Variants in FRMD6 observed in about 807,000 individuals in gnomAD.
FRMD6 encodes the protein FERM domain-containing protein 6.
Under a neutral mutation model 73.2 loss-of-function variants are expected in FRMD6, and 37 were observed. The ratio of observed to expected loss-of-function variants is 0.51; its 90% CI spans 0.39 to 0.66. FRMD6 has a LOEUF of 0.66. FRMD6 is among the 30% of genes least tolerant of loss of function. The probability of loss-of-function intolerance (pLI) is 0.00; values close to 1 mark genes in which losing one functional copy is unlikely to be tolerated. For synonymous variants in FRMD6, 273 were observed against 282.2 expected (o/e 0.97, Z 0.33); for missense variants, 714 against 780.5 (o/e 0.91, Z 1.02).
intron 1 of FRMD6, among the ~76,000 whole-genome samples, chr14:51,514,077 A>G (rs1232601853): frequency 6.6e-6 from 1 of 152,200 alleles, no homozygotes; most frequent in Non-Finnish European, 1.5e-5. Flanking sequence ...GTGCTCAATA[A>G]GTGGTGTAAT....
chr14:51,445,975 C>T, the FRMD6 span, among the ~76,000 whole-genome samples: 6 of 152,232 alleles, frequency 3.9e-5, no homozygotes, highest in East Asian at 7.7e-4. Context: ...TCACTATCTC[C>T]GTTTCACAAA....
chr14:51,672,240 T>C (rs1344704905), intron 1 of FRMD6, among the ~76,000 whole-genome samples: 1 of 152,226 alleles, frequency 6.6e-6, no homozygotes, highest in Non-Finnish European at 1.5e-5. Flanking sequence ...CAAAGAATTG[T>C]AGCATCTGCT....
chr14:51,435,069 T>C, the FRMD6 span, among the ~76,000 whole-genome samples: 2 of 152,204 alleles, frequency 1.3e-5, no homozygotes, highest in Non-Finnish European at 2.9e-5. Context: ...TGTGGAATCC[T>C]GGATCGTACC....
intron 2 of FRMD6, among the ~76,000 whole-genome samples, chr14:51,592,404 T>C (rs1467993413): frequency 6.6e-6 from 1 of 152,214 alleles, no homozygotes; most frequent in African/African-American, 2.4e-5. Context: ...AAACTATGTA[T>C]TTATATGTTA....
At chr14:51,611,943 A>T (rs1890525822) in intron 2 of FRMD6, among the ~76,000 whole-genome samples, 1 of 152,244 alleles carries the variant, frequency 6.6e-6, no homozygotes, top group African/African-American at 2.4e-5. Flanking sequence ...CAGTGGCAGA[A>T]AAATTTTATA....
At chr14:51,626,204 A>G (rs1004181456) in intron 2 of FRMD6, among the ~76,000 whole-genome samples, 4 of 152,240 alleles carry the variant, frequency 2.6e-5, no homozygotes, top group African/African-American at 9.6e-5. Context: ...GCCATGATCC[A>G]TAGCAAACTA....
chr14:51,701,608 A>G (rs1055633612), intron 4 of FRMD6, among the ~76,000 whole-genome samples: 78 of 147,864 alleles, frequency 5.3e-4, no homozygotes, highest in African/African-American at 1.9e-3. Context: ...TATACTTAGT[A>G]TATATAAAAA....
intron 1 of FRMD6, among the ~76,000 whole-genome samples, chr14:51,559,689 A>G (rs1887369263): frequency 6.6e-6 from 1 of 152,172 alleles, no homozygotes; most frequent in South Asian, 2.1e-4. Context: ...CTCCAAATTC[A>G]GAACCTTCCT....
chr14:51,485,204 G>A (rs940631911), upstream of FRMD6, among the ~76,000 whole-genome samples: 18 of 152,138 alleles, frequency 1.2e-4, no homozygotes, highest in Non-Finnish European at 2.4e-4. Flanking sequence ...TGTGGGATGG[G>A]GATGCCTCCA....
the FRMD6 span, among the ~76,000 whole-genome samples, chr14:51,439,734 G>A: frequency 6.6e-6 from 1 of 152,190 alleles, no homozygotes; most frequent in Non-Finnish European, 1.5e-5. Context: ...GCATTGAAGA[G>A]GCTGTAGGCG....
chr14:51,702,422 C>T (rs1896379533), intron 4 of FRMD6, 90 bp from the exon 5 acceptor site: 1 of 1,017,506 alleles, frequency 9.8e-7, no homozygotes, highest in Non-Finnish European at 1.5e-6. Context: ...CAAAAAGTAT[C>T]TTGCAAATAA....
chr14:51,488,052 T>C (rs766084331), upstream of FRMD6, among the ~76,000 whole-genome samples: 19 of 152,196 alleles, frequency 1.2e-4, no homozygotes, highest in Non-Finnish European at 2.2e-4. Flanking sequence ...TCTTCTGCAG[T>C]GGCTTTATCT....
At chr14:51,582,002 T>C (rs967153369) in intron 2 of FRMD6, among the ~76,000 whole-genome samples, 8 of 152,220 alleles carry the variant, frequency 5.3e-5, no homozygotes, top group African/African-American at 1.9e-4. Flanking sequence ...AAAAAGGGCT[T>C]ATCTTTTATC....
intron 1 of FRMD6, among the ~76,000 whole-genome samples, chr14:51,503,609 A>G (rs920002701): frequency 6.6e-6 from 1 of 151,638 alleles, no homozygotes; most frequent in African/African-American, 2.4e-5. Flanking sequence ...ATGCTGCTGG[A>G]TTCGGTTTGC....
intron 11 of FRMD6, among the ~76,000 whole-genome samples, chr14:51,721,032 T>C (rs1897531252): frequency 6.6e-6 from 1 of 152,330 alleles, no homozygotes; most frequent in African/African-American, 2.4e-5. Flanking sequence ...AGATAGACTT[T>C]GTTAAAGAAA....
intron 1 of FRMD6, among the ~76,000 whole-genome samples, chr14:51,652,738 C>G (rs1892515695): frequency 6.6e-6 from 1 of 152,168 alleles, no homozygotes; most frequent in Non-Finnish European, 1.5e-5. Flanking sequence ...CTGGCGGAGC[C>G]CCAGGCGAAC....
chr14:51,576,612 C>T (rs1888418816), intron 2 of FRMD6, among the ~76,000 whole-genome samples: 1 of 152,162 alleles, frequency 6.6e-6, no homozygotes, highest in South Asian at 2.1e-4. Context: ...CTCCCCTGCA[C>T]CCCTAAGCTC....
intron 5 of FRMD6, among the ~76,000 whole-genome samples, chr14:51,704,296 T>C (rs1038287298): frequency 3.3e-5 from 5 of 152,104 alleles, no homozygotes; most frequent in African/African-American, 1.2e-4. Context: ...TGTGTTCAGT[T>C]AAAAAATAAT....
At chr14:51,428,422 G>A in the FRMD6 span, among the ~76,000 whole-genome samples, 400 of 152,300 alleles carry the variant, frequency 2.6e-3, 2 homozygotes, top group African/African-American at 9.0e-3. Context: ...AATGATCTCA[G>A]TGTGGTCATT....
Sources: gnomAD v4.1 joint callset for allele counts (sites outside exome capture counted in the v4.1 genomes callset) on GRCh38, gnomAD v4.1.1 for gene constraint, MANE v1.5 for transcripts, NCBI Gene and HGNC (gene_info 2026-07-23, HGNC 2026-07-21) for gene names.